GABRG1: variants seen among roughly 807,000 people sequenced by gnomAD.
GABRG1 encodes gamma-aminobutyric acid receptor subunit gamma-1.
GABRG1 carries 49 observed loss-of-function variants against 49.8 expected under a neutral mutation model. The ratio of observed to expected loss-of-function variants is 0.98; its 90% CI spans 0.78 to 1.25. The LOEUF (loss-of-function observed/expected upper bound fraction) is 1.25. Ranked by LOEUF, GABRG1 falls within the 50% of genes most tolerant of loss-of-function variation. The pLI is 0.00. For synonymous variants in GABRG1, 232 were observed against 185.1 expected (o/e 1.25, Z -2.06); for missense variants, 552 against 552.3 (o/e 1.00, Z 0.01).
chr4:46,084,262 G>A (rs148514217), intron 2 of GABRG1, among the ~76,000 whole-genome samples: 159 of 151,616 alleles, frequency 1.0e-3, no homozygotes, highest in African/African-American at 3.6e-3. Flanking sequence ...TAGAGATAAA[G>A]CACATGAGAT....
intron 7 of GABRG1, among the ~76,000 whole-genome samples, chr4:46,053,865 T>A (rs1718339812): frequency 6.6e-6 from 1 of 152,040 alleles, no homozygotes; most frequent in Admixed American, 6.6e-5. Context: ...ATTAAAATAT[T>A]TCTGAGTCCG....
At chr4:46,080,591 C>G (rs1175096565) in intron 3 of GABRG1, among the ~76,000 whole-genome samples, 1 of 151,734 alleles carries the variant, frequency 6.6e-6, no homozygotes, top group Non-Finnish European at 1.5e-5. Flanking sequence ...ACTGGGGAAA[C>G]TAAATCTTTA....
At chr4:46,096,943 T>A (rs1015691488) in intron 2 of GABRG1, among the ~76,000 whole-genome samples, 3 of 151,782 alleles carry the variant, frequency 2.0e-5, no homozygotes, top group Admixed American at 6.6e-5. Flanking sequence ...TTTCTCAGTC[T>A]TAGGCAGTTT....
intron 1 of GABRG1, among the ~76,000 whole-genome samples, chr4:46,114,270 A>G (rs1720816776): frequency 6.6e-6 from 1 of 151,086 alleles, no homozygotes; most frequent in African/African-American, 2.4e-5. Context: ...AGAGTTTTAA[A>G]GAGGAGAATT....
chr4:46,070,019 A>G (rs1719059026), intron 3 of GABRG1, among the ~76,000 whole-genome samples: 1 of 151,960 alleles, frequency 6.6e-6, no homozygotes, highest in Non-Finnish European at 1.5e-5. Context: ...GCAGGGCGGG[A>G]TGGAAAATAA....
intron 8 of GABRG1, among the ~76,000 whole-genome samples, chr4:46,043,362 C>T (rs1341067587): frequency 1.3e-5 from 2 of 151,758 alleles, no homozygotes; most frequent in East Asian, 3.9e-4. Context: ...TAGATTTTTG[C>T]TCCCTCCACC....
intron 3 of GABRG1, among the ~76,000 whole-genome samples, chr4:46,070,309 A>G (rs1719068904): frequency 6.6e-6 from 1 of 151,896 alleles, no homozygotes; most frequent in Admixed American, 6.6e-5. Flanking sequence ...TCCAGAATAT[A>G]TATTATATAA....
At chr4:46,115,274 A>G (rs2109443646) in intron 1 of GABRG1, among the ~76,000 whole-genome samples, 1 of 150,840 alleles carries the variant, frequency 6.6e-6, no homozygotes, top group African/African-American at 2.4e-5. Context: ...TAAGATCCCA[A>G]ATATATAGAT....
intron 3 of GABRG1, among the ~76,000 whole-genome samples, chr4:46,073,592 C>T (rs958262681): frequency 2.0e-5 from 3 of 151,924 alleles, no homozygotes; most frequent in Non-Finnish European, 2.9e-5. Context: ...GCATGGAGCA[C>T]GCTTCCTAAG....
chr4:46,091,559 A>G (rs1398089639), intron 2 of GABRG1, among the ~76,000 whole-genome samples: 1 of 152,118 alleles, frequency 6.6e-6, no homozygotes, highest in Non-Finnish European at 1.5e-5. Flanking sequence ...CAAATATTAT[A>G]GTATACCTGA....
chr4:46,036,339 G>A lies in GABRG1; in HGVS notation c.*4649C>T, dbSNP rs550276821. The A allele has an allele frequency of 2.6e-5, 4 of 151,634 alleles. No homozygotes were observed. The East Asian group carries it at 5.8e-4, about 22-fold the overall frequency. The allele number at this position is 151,634 out of a possible 1,614,324, so 9.4% of individuals were successfully genotyped here. On this transcript the variant is annotated 3_prime_UTR_variant, in exon 9 of 9. Transcript: ENST00000295452. ...GTATGTATGTCTCAGTTAGAAAACT[G>A]GAAATGGTTATTTGAATAGAAAACT...
intron 3 of GABRG1, among the ~76,000 whole-genome samples, chr4:46,076,926 T>C (rs2109417870): frequency 6.6e-6 from 1 of 151,804 alleles, no homozygotes; most frequent in Non-Finnish European, 1.5e-5. Flanking sequence ...ATAATAATGG[T>C]GGCTAAAATA....
intron 8 of GABRG1, among the ~76,000 whole-genome samples, chr4:46,044,984 CA>C (rs1717934280): frequency 6.6e-6 from 1 of 152,082 alleles, no homozygotes; most frequent in Non-Finnish European, 1.5e-5. Context: ...AATCAGATGT[CA>C]TGCCACGCAA....
At chr4:46,087,772 C>A (rs1719834827) in intron 2 of GABRG1, among the ~76,000 whole-genome samples, 1 of 151,826 alleles carries the variant, frequency 6.6e-6, no homozygotes, top group Non-Finnish European at 1.5e-5. Context: ...AGATAGATAC[C>A]AAGCTCGAGT....
In GABRG1 at chr4:46,123,082, T is replaced by G. The variant is rs916781062; in HGVS notation, c.104+728A>C. 1.2e-4 allele frequency among the ~76,000 whole-genome samples: 17 copies of G among 147,074 alleles called. No individual in the cohort carries two copies. The Admixed American group carries it at 1.2e-3, about 10-fold the overall frequency. On this transcript the variant is annotated intron_variant, in intron 1 of 8. Transcript: ENST00000295452. ...GGTGACACTTTTCTCTCTCTCTCTC[T>G]CTCTGTCCCATACACACAAACACAC... is the stretch of plus-strand genomic sequence containing the variant.
chr4:46,060,407 C>T (rs1016477649), intron 5 of GABRG1, among the ~76,000 whole-genome samples: 4 of 152,090 alleles, frequency 2.6e-5, no homozygotes, highest in African/African-American at 9.7e-5. Flanking sequence ...AAGGAAATTA[C>T]CACGTTTTGT....
At chr4:46,104,622 A>T (rs1720478041) in intron 1 of GABRG1, among the ~76,000 whole-genome samples, 1 of 151,692 alleles carries the variant, frequency 6.6e-6, no homozygotes, top group African/African-American at 2.4e-5. Context: ...TTATAAAATA[A>T]AACACCTATT....
intron 5 of GABRG1, among the ~76,000 whole-genome samples, chr4:46,062,494 A>G (rs930411313): frequency 3.3e-5 from 5 of 152,142 alleles, no homozygotes; most frequent in African/African-American, 1.2e-4. Context: ...TCCCACCAAC[A>G]GTTTAAAAGT....
At chr4:46,052,631 A>G (rs976135016) in intron 7 of GABRG1, among the ~76,000 whole-genome samples, 1 of 151,892 alleles carries the variant, frequency 6.6e-6, no homozygotes, top group Non-Finnish European at 1.5e-5. Context: ...ACATGCTAAT[A>G]TTTCTTTTAA....
Sources: allele counts gnomAD v4.1 joint callset (sites outside exome capture counted in the v4.1 genomes callset), GRCh38; gene constraint gnomAD v4.1.1; transcripts MANE v1.5; gene names NCBI Gene and HGNC (gene_info 2026-07-23, HGNC 2026-07-21).